CA10: variants seen among roughly 807,000 people sequenced by gnomAD.
CA10 encodes carbonic anhydrase-related protein 10.
A neutral mutation model predicts 44.2 loss-of-function variants in CA10; 14 were observed. That is an observed-to-expected ratio of 0.32 (90% CI 0.21 to 0.50). The LOEUF (loss-of-function observed/expected upper bound fraction) is 0.50. Among genes scored for constraint, CA10 ranks in the 20% least tolerant of loss-of-function variants. The probability of loss-of-function intolerance (pLI) is 0.99; values close to 1 mark genes in which losing one functional copy is unlikely to be tolerated. For synonymous variants in CA10, 159 were observed against 141.6 expected (o/e 1.12, Z -0.87); for missense variants, 350 against 409.7 (o/e 0.85, Z 1.26).
intron 6 of CA10, 72 bp from the exon 7 acceptor site, chr17:51,636,081 C>A: frequency 1.2e-6 from 1 of 801,776 alleles, no homozygotes; most frequent in Admixed American, 2.4e-5. Context: ...TACATACATA[C>A]ATACATACAT....
At chr17:51,917,175 T>C (rs1047209295) in intron 3 of CA10, among the ~76,000 whole-genome samples, 7 of 152,198 alleles carry the variant, frequency 4.6e-5, no homozygotes, top group African/African-American at 2.4e-5. Context: ...TCTGTGGTGT[T>C]AACACCCCTA....
intron 1 of CA10, among the ~76,000 whole-genome samples, chr17:52,152,327 T>C (rs972386054): frequency 5.9e-5 from 9 of 152,298 alleles, no homozygotes; most frequent in African/African-American, 2.2e-4. Context: ...GGACACTTCA[T>C]ATTCTCTCAA....
At chr17:51,754,412 T>TATATATATA (rs1422958039) in intron 3 of CA10, among the ~76,000 whole-genome samples, 4 of 58,132 alleles carry the variant, frequency 6.9e-5, no homozygotes, top group South Asian at 5.3e-4. Context: ...TATATATATA[T>TATATATATA]ATATATATAT....
chr17:51,865,540 A>C lies in CA10; in HGVS notation c.279+65450T>G, dbSNP rs111815716. The stretch of plus-strand genomic sequence containing the variant: ...TCCTTAAGCTGCCAGGCCGCAGGGC[A>C]GTGTCCATGGCCTCAGGGAGCCGGT... On this transcript the variant is annotated intron_variant, in intron 3 of 8. Coordinates refer to ENST00000451037, the MANE Select transcript of CA10 (RefSeq NM_020178.5). Among the ~76,000 whole-genome samples, 504 of 152,326 alleles carry C rather than the reference A, an allele frequency of 3.3e-3. 3 individuals are homozygous for C. Among genetic ancestry groups the C allele is most frequent in the African/African-American group, 0.012 (493 of 41,574 alleles).
At chr17:51,891,674 A>G (rs762148416) in intron 3 of CA10, among the ~76,000 whole-genome samples, 1 of 152,206 alleles carries the variant, frequency 6.6e-6, no homozygotes. Context: ...ATGGAAGAAG[A>G]AGTCAGGAGG....
intron 4 of CA10, among the ~76,000 whole-genome samples, chr17:51,701,473 CTCATT>C (rs1915600917): frequency 6.7e-6 from 1 of 150,086 alleles, no homozygotes. Context: ...CCATAACACT[CTCATT>C]TATTTATTTA....
At chr17:51,914,524 A>C (rs1403983262) in intron 3 of CA10, among the ~76,000 whole-genome samples, 1 of 152,056 alleles carries the variant, frequency 6.6e-6, no homozygotes, top group African/African-American at 2.4e-5. Flanking sequence ...ATGTAACACC[A>C]CTCCTAAGGA....
At chr17:51,671,016 T>C (rs1036070734) in intron 4 of CA10, among the ~76,000 whole-genome samples, 2 of 152,192 alleles carry the variant, frequency 1.3e-5, no homozygotes, top group Non-Finnish European at 2.9e-5. Context: ...TGAACCCCTG[T>C]GGAATGAAGT....
intron 1 of CA10, among the ~76,000 whole-genome samples, chr17:52,146,312 CA>C (rs1291619645): frequency 6.6e-6 from 1 of 152,142 alleles, no homozygotes; most frequent in East Asian, 1.9e-4. Flanking sequence ...GTAATCCCAC[CA>C]CTTTGGGAGG....
chr17:52,142,981 T>A (rs898463986), intron 1 of CA10, among the ~76,000 whole-genome samples: 1 of 152,228 alleles, frequency 6.6e-6, no homozygotes, highest in East Asian at 1.9e-4. Flanking sequence ...TAAAATACTT[T>A]TAACATCATT....
At chr17:51,933,627 G>C in intron 2 of CA10, among the ~76,000 whole-genome samples, 1 of 152,106 alleles carries the variant, frequency 6.6e-6, no homozygotes, top group Non-Finnish European at 1.5e-5. Flanking sequence ...GGCAGTAACG[G>C]AAAAGTAATA....
intron 1 of CA10, among the ~76,000 whole-genome samples, chr17:52,138,672 A>G (rs1861340788): frequency 6.6e-6 from 1 of 152,224 alleles, no homozygotes; most frequent in South Asian, 2.1e-4. Context: ...CCAATGGTGT[A>G]TAGAGCTCAG....
intron 2 of CA10, among the ~76,000 whole-genome samples, chr17:52,025,503 T>A (rs1248860567): frequency 6.6e-6 from 1 of 152,120 alleles, no homozygotes; most frequent in Non-Finnish European, 1.5e-5. Context: ...AAAATATTGA[T>A]AATAGAAAGC....
chr17:52,079,485 T>A (rs1309779292), intron 1 of CA10, among the ~76,000 whole-genome samples: 1 of 152,030 alleles, frequency 6.6e-6, no homozygotes, highest in African/African-American at 2.4e-5. Flanking sequence ...CCATTATTTA[T>A]GCAAAAGCTT....
intron 3 of CA10, among the ~76,000 whole-genome samples, chr17:51,818,668 C>T (rs924552130): frequency 6.6e-6 from 1 of 152,270 alleles, no homozygotes; most frequent in Admixed American, 6.5e-5. Flanking sequence ...CTAATGTGTT[C>T]CTTTTCTTTC....
At chr17:52,142,390 T>C (rs1989500463) in intron 1 of CA10, among the ~76,000 whole-genome samples, 1 of 152,176 alleles carries the variant, frequency 6.6e-6, no homozygotes, top group African/African-American at 2.4e-5. Flanking sequence ...TGTTATGAAT[T>C]TGATGCTAAT....
intron 1 of CA10, among the ~76,000 whole-genome samples, chr17:52,147,491 T>TAAAAAAAAAAAAAA (rs369637225): frequency 7.6e-6 from 1 of 131,860 alleles, no homozygotes. Context: ...AAAGCAGATT[T>TAAAAAAAAAAAAAA]AAAAAAAAAA....
At chr17:51,733,196 TG>T (rs552752469) in intron 4 of CA10, among the ~76,000 whole-genome samples, 273 of 152,324 alleles carry the variant, frequency 1.8e-3, no homozygotes, top group African/African-American at 6.2e-3. Flanking sequence ...TATGAATTTT[TG>T]TTGAATTTTA....
In CA10 at chr17:51,631,316, G is replaced by A; in HGVS notation, c.*268C>T. ...CTGAAACTTGACTTCCCATGATGGAGGTTGTAAGAGTGTGTGTGTGTGTAG... is the reference window on the plus strand; with the variant it reads ...CTGAAACTTGACTTCCCATGATGGAAGTTGTAAGAGTGTGTGTGTGTGTAG... On this transcript the variant is annotated 3_prime_UTR_variant, in exon 9 of 9. Coordinates refer to ENST00000451037, the MANE Select transcript of CA10 (RefSeq NM_020178.5). 1 of 423,300 alleles carries A rather than the reference G, an allele frequency of 2.4e-6. No individual in the cohort carries two copies. Among genetic ancestry groups the A allele is most frequent in the South Asian group, 4.9e-5 (1 of 20,590 alleles). The allele number at this position is 423,300 out of a possible 1,614,324, so 26.2% of individuals were successfully genotyped here.
Sources: allele counts gnomAD v4.1 joint callset (sites outside exome capture counted in the v4.1 genomes callset), GRCh38; gene constraint gnomAD v4.1.1; transcripts MANE v1.5; gene names NCBI Gene and HGNC (gene_info 2026-07-23, HGNC 2026-07-21).